Variants in FRMD6 observed in about 807,000 individuals in gnomAD.
FRMD6 encodes the protein FERM domain containing 6, also known as FERM domain-containing protein 6.
Under a neutral mutation model 73.2 loss-of-function variants are expected in FRMD6, and 37 were observed. That is an observed-to-expected ratio of 0.51 (90% CI 0.39 to 0.66). The LOEUF is 0.66. Ranked by LOEUF, FRMD6 falls within the 30% of genes least tolerant of loss-of-function variation. The probability of loss-of-function intolerance (pLI) is 0.00; values close to 1 mark genes in which losing one functional copy is unlikely to be tolerated. For missense variants in FRMD6, 714 were observed against 780.5 expected (o/e 0.91, Z 1.02); for synonymous variants, 273 against 282.2 (o/e 0.97, Z 0.33).
the FRMD6 span, among the ~76,000 whole-genome samples, chr14:51,423,890 G>C: frequency 1.3e-5 from 2 of 152,118 alleles, no homozygotes; most frequent in Admixed American, 6.5e-5. Flanking sequence ...AGTCTCCTGG[G>C]GCTTGATATA....
At chr14:51,496,954 C>A (rs960546883) in intron 1 of FRMD6, among the ~76,000 whole-genome samples, 1 of 152,194 alleles carries the variant, frequency 6.6e-6, no homozygotes, top group African/African-American at 2.4e-5. Context: ...TCCAACATAG[C>A]ATATCCTGCC....
intron 1 of FRMD6, among the ~76,000 whole-genome samples, chr14:51,515,404 G>A (rs541995290): frequency 2.0e-5 from 3 of 152,250 alleles, no homozygotes; most frequent in African/African-American, 7.2e-5. Context: ...CTCCCTGAAC[G>A]TCAGTATATC....
intron 1 of FRMD6, among the ~76,000 whole-genome samples, chr14:51,689,384 C>G (rs1219034618): frequency 6.6e-6 from 1 of 152,238 alleles, no homozygotes; most frequent in Non-Finnish European, 1.5e-5. Flanking sequence ...CCATGTGGGA[C>G]TGAAAACTCC....
At chr14:51,704,408 A>G (rs1011749720) in intron 5 of FRMD6, among the ~76,000 whole-genome samples, 2 of 152,130 alleles carry the variant, frequency 1.3e-5, no homozygotes, top group Non-Finnish European at 1.5e-5. Flanking sequence ...CAGACAACAC[A>G]TGTCTAGTTT....
At chr14:51,563,770 G>A (rs968365264) in intron 1 of FRMD6, among the ~76,000 whole-genome samples, 4 of 152,174 alleles carry the variant, frequency 2.6e-5, no homozygotes, top group African/African-American at 9.7e-5. Context: ...TATACAGAAG[G>A]TCTATGATTA....
intron 1 of FRMD6, among the ~76,000 whole-genome samples, chr14:51,654,816 A>G (rs1269380711): frequency 6.6e-6 from 1 of 152,076 alleles, no homozygotes; most frequent in Non-Finnish European, 1.5e-5. Context: ...GGCTTTCCCT[A>G]AAATCATTTT....
chr14:51,708,515 G>A (rs748024590), intron 7 of FRMD6, among the ~76,000 whole-genome samples: 14 of 151,916 alleles, frequency 9.2e-5, no homozygotes, highest in African/African-American at 2.4e-5. Context: ...AGTGATTATG[G>A]CATTGTTATT....
chr14:51,605,506 G>A (rs1431967451), intron 2 of FRMD6, among the ~76,000 whole-genome samples: 1 of 152,126 alleles, frequency 6.6e-6, no homozygotes, highest in Non-Finnish European at 1.5e-5. Context: ...CACACGTGAA[G>A]TATTTGGAGT....
chr14:51,538,248 G>C (rs944144810), intron 1 of FRMD6, among the ~76,000 whole-genome samples: 2 of 151,804 alleles, frequency 1.3e-5, no homozygotes, highest in Non-Finnish European at 2.9e-5. Context: ...TTTAAAATTG[G>C]GTTGTCTTTT....
At chr14:51,713,496 C>G (rs1205183576) in intron 9 of FRMD6, among the ~76,000 whole-genome samples, 2 of 149,448 alleles carry the variant, frequency 1.3e-5, no homozygotes, top group Non-Finnish European at 1.5e-5. Context: ...CTGCTTTGTT[C>G]AGAAATTACT....
At chr14:51,564,820 C>T (rs1887688180) in intron 1 of FRMD6, among the ~76,000 whole-genome samples, 1 of 152,138 alleles carries the variant, frequency 6.6e-6, no homozygotes, top group Non-Finnish European at 1.5e-5. Context: ...GAAAGTTTAT[C>T]AACATGTGGG....
intron 2 of FRMD6, among the ~76,000 whole-genome samples, chr14:51,589,520 C>T (rs777356136): frequency 3.3e-5 from 5 of 152,098 alleles, no homozygotes; most frequent in African/African-American, 4.8e-5. Context: ...TGCTTGGCCT[C>T]ACACTCCTCA....
At chr14:51,597,100 A>AT (rs750926416) in intron 2 of FRMD6, among the ~76,000 whole-genome samples, 2 of 152,212 alleles carry the variant, frequency 1.3e-5, no homozygotes, top group Non-Finnish European at 2.9e-5. Flanking sequence ...TCATTCACAC[A>AT]TTTTTTGTAC....
intron 2 of FRMD6, among the ~76,000 whole-genome samples, chr14:51,589,613 CAT>C (rs950696105): frequency 2.0e-4 from 30 of 151,914 alleles, no homozygotes; most frequent in African/African-American, 7.0e-4. Context: ...ATTCCTGGCT[CAT>C]TTTCTGTTAC....
intron 2 of FRMD6, among the ~76,000 whole-genome samples, chr14:51,642,466 G>A (rs570845020): frequency 6.6e-6 from 1 of 152,320 alleles, no homozygotes; most frequent in African/African-American, 2.4e-5. Flanking sequence ...GAACCCGGAG[G>A]TGGAGGTTGC....
chr14:51,445,473 A>C, the FRMD6 span, among the ~76,000 whole-genome samples: 10 of 16,602 alleles, frequency 6.0e-4, no homozygotes, highest in South Asian at 0.017. Flanking sequence ...ACAGAAGTGC[A>C]ATTTTTTTTT....
intron 2 of FRMD6, among the ~76,000 whole-genome samples, chr14:51,692,116 C>CCTG (rs1895631509): frequency 6.6e-6 from 1 of 152,098 alleles, no homozygotes; most frequent in Non-Finnish European, 1.5e-5. Flanking sequence ...ATCCAACAGG[C>CCTG]CTGCCTATTG....
At chr14:51,713,255 C>T (rs891851617) in intron 9 of FRMD6, among the ~76,000 whole-genome samples, 2 of 151,966 alleles carry the variant, frequency 1.3e-5, no homozygotes, top group South Asian at 4.2e-4. Context: ...GTCAGGAGTT[C>T]GAGACCAGTC....
chr14:51,463,655 G>T, the FRMD6 span, among the ~76,000 whole-genome samples: 1 of 152,224 alleles, frequency 6.6e-6, no homozygotes, highest in Non-Finnish European at 1.5e-5. Context: ...GTTCCAGTGA[G>T]CACGCTACAT....
Sources: gnomAD v4.1 joint callset for allele counts (sites outside exome capture counted in the v4.1 genomes callset) on GRCh38, gnomAD v4.1.1 for gene constraint, MANE v1.5 for transcripts, NCBI Gene and HGNC (gene_info 2026-07-23, HGNC 2026-07-21) for gene names.